MORC3: variants seen among roughly 807,000 people sequenced by gnomAD.
The protein encoded by MORC3 is MORC family CW-type zinc finger 3.
Under a neutral mutation model 109.1 loss-of-function variants are expected in MORC3, and 31 were observed. That is an observed-to-expected ratio of 0.28 (90% CI 0.21 to 0.38). The LOEUF (loss-of-function observed/expected upper bound fraction) is 0.38. MORC3 is among the 10% of genes least tolerant of loss of function. The probability of loss-of-function intolerance (pLI) is 1.00; values close to 1 mark genes in which losing one functional copy is unlikely to be tolerated. For missense variants in MORC3, 867 were observed against 1,135.8 expected, an observed-to-expected ratio of 0.76 and a Z score of 3.40; for synonymous variants, 395 against 380.7, an observed-to-expected ratio of 1.04 and a Z score of -0.44.
chr21:36,322,347 T>C (rs943320294), intron 1 of MORC3, among the ~76,000 whole-genome samples: 1 of 149,946 alleles, frequency 6.7e-6, no homozygotes, highest in African/African-American at 2.4e-5. Flanking sequence ...GCACAAAGGG[T>C]GAACCCTTAG....
intron 1 of MORC3, chr21:36,333,397 G>C: frequency 2.0e-6 from 1 of 497,432 alleles, no homozygotes; most frequent in South Asian, 2.9e-5. Context: ...GGACAGTTAT[G>C]ACATTGTAGA....
At chr21:36,327,146 G>A (rs1400508157) in intron 1 of MORC3, among the ~76,000 whole-genome samples, 1 of 132,772 alleles carries the variant, frequency 7.5e-6, no homozygotes. Context: ...ATATTAATTG[G>A]CTTTATTTCT....
chr21:36,358,922 AC>A (rs1342363992), intron 10 of MORC3, among the ~76,000 whole-genome samples: 2 of 151,880 alleles, frequency 1.3e-5, no homozygotes, highest in African/African-American at 4.8e-5. Context: ...CTCATGATCC[AC>A]CCGCGTCAGC....
intron 14 of MORC3, among the ~76,000 whole-genome samples, chr21:36,366,170 C>T (rs2085779242): frequency 1.3e-5 from 2 of 152,072 alleles, no homozygotes; most frequent in Admixed American, 6.6e-5. Flanking sequence ...AGTTTTTCAG[C>T]CCTGCCCACC....
At chr21:36,347,371 C>T (rs1394680009) in intron 8 of MORC3, among the ~76,000 whole-genome samples, 2 of 152,170 alleles carry the variant, frequency 1.3e-5, no homozygotes, top group Non-Finnish European at 2.9e-5. Flanking sequence ...CTTTTTATCA[C>T]CTATGAATCT....
intron 1 of MORC3, among the ~76,000 whole-genome samples, chr21:36,324,931 ACTC>A (rs1469440405): frequency 6.9e-6 from 1 of 145,156 alleles, no homozygotes; most frequent in Non-Finnish European, 1.5e-5. Context: ...CTGATCTTGA[ACTC>A]CTGACCTCAA....
intron 5 of MORC3, among the ~76,000 whole-genome samples, chr21:36,340,550 T>G (rs2085431031): frequency 1.3e-5 from 2 of 151,952 alleles, no homozygotes; most frequent in Admixed American, 1.3e-4. Context: ...TTAGCATAAC[T>G]CCTGGCGTTT....
intron 1 of MORC3, among the ~76,000 whole-genome samples, chr21:36,324,002 A>C (rs1378123878): frequency 6.6e-6 from 1 of 151,382 alleles, no homozygotes; most frequent in African/African-American, 2.4e-5. Context: ...CAGCCTCCCG[A>C]GTAGCTGGGA....
intron 9 of MORC3, among the ~76,000 whole-genome samples, chr21:36,353,322 A>C (rs2085596826): frequency 7.4e-6 from 1 of 134,440 alleles, no homozygotes; most frequent in Non-Finnish European, 1.5e-5. Context: ...GAGCCACTAC[A>C]TTCCAGTTTG....
At chr21:36,340,500 A>G (rs966572417) in intron 5 of MORC3, among the ~76,000 whole-genome samples, 2 of 151,942 alleles carry the variant, frequency 1.3e-5, no homozygotes, top group African/African-American at 4.8e-5. Flanking sequence ...AGAATATTAC[A>G]TAAACAACAT....
At chr21:36,338,065 AC>A in intron 4 of MORC3, 119 bp downstream of exon 4, 1 of 1,007,998 alleles carries the variant, frequency 9.9e-7, no homozygotes, top group Non-Finnish European at 1.5e-6. Flanking sequence ...TCCATTTCTT[AC>A]CTCTGTCCTC....
chr21:36,338,647 AC>A, intron 4 of MORC3, 126 bp from the exon 5 acceptor site: 1 of 919,294 alleles, frequency 1.1e-6, no homozygotes, highest in South Asian at 2.0e-5. Flanking sequence ...ACCCTATCTC[AC>A]AAAAAAAAAA....
intron 9 of MORC3, among the ~76,000 whole-genome samples, chr21:36,353,386 G>A (rs1232411703): frequency 6.7e-6 from 1 of 148,542 alleles, no homozygotes; most frequent in Non-Finnish European, 1.5e-5. Context: ...AAAAATCATG[G>A]CCGGGTGCCG....
intron 1 of MORC3, among the ~76,000 whole-genome samples, chr21:36,325,721 T>C (rs1569086329): frequency 1.3e-5 from 2 of 152,184 alleles, no homozygotes; most frequent in African/African-American, 4.8e-5. Flanking sequence ...AAGTCAACCA[T>C]GGTCTGAAAG....
In MORC3 at chr21:36,349,322, G is replaced by A; in HGVS notation, c.1017G>A (p.Met339Ile). 1 of 1,603,222 alleles carries A rather than the reference G, an allele frequency of 6.2e-7. No homozygotes were observed. The highest frequency in any genetic ancestry group is 8.5e-7 in the Non-Finnish European group (1 of 1,177,038). The part of the protein sequence containing the change: ...KVGCQLRANN[M>I]GVGVVGIIEC... ...TTTTATTTTTTCAGGCAAACAACAT[G>A]GGTGTTGGAGTGGTTGGAATTATAG... Residue 339 changes from methionine (M) to isoleucine (I), a missense_variant, in exon 9 of 17, where the codon ATG (methionine) becomes ATA (isoleucine). Met to Ile is a conservative substitution (Grantham distance 10). Transcript: ENST00000400485.
chr21:36,368,473 C>T (rs1276294851), intron 14 of MORC3, among the ~76,000 whole-genome samples: 1 of 152,148 alleles, frequency 6.6e-6, no homozygotes, highest in Admixed American at 6.6e-5. Flanking sequence ...TCTCAATAGT[C>T]CATCGTCTTC....
chr21:36,333,791 T>G, intron 2 of MORC3, 73 bp downstream of exon 2: 5 of 1,254,534 alleles, frequency 4.0e-6, no homozygotes, highest in Non-Finnish European at 5.6e-6. Flanking sequence ...TTTGTTTTGT[T>G]TTTTTTTTTT....
intron 1 of MORC3, among the ~76,000 whole-genome samples, chr21:36,326,475 C>T (rs914957688): frequency 6.6e-6 from 1 of 152,082 alleles, no homozygotes; most frequent in Non-Finnish European, 1.5e-5. Flanking sequence ...CAGTGAGCCA[C>T]ACCACCGCAC....
intron 15 of MORC3, among the ~76,000 whole-genome samples, chr21:36,370,635 A>ATTT (rs1361206395): frequency 1.0e-3 from 42 of 42,006 alleles, no homozygotes; most frequent in Non-Finnish European, 1.8e-3. Flanking sequence ...ATATATATAT[A>ATTT]TATATTTTTT....
Sources: gnomAD v4.1 joint callset for allele counts (sites outside exome capture counted in the v4.1 genomes callset) on GRCh38, gnomAD v4.1.1 for gene constraint, MANE v1.5 for transcripts, NCBI Gene and HGNC (gene_info 2026-07-23, HGNC 2026-07-21) for gene names.